Variants in GPC5 observed in about 807,000 individuals in gnomAD.
GPC5 encodes the protein glypican 5.
Under a neutral mutation model 53.9 loss-of-function variants are expected in GPC5, and 47 were observed. The ratio of observed to expected loss-of-function variants is 0.87; its 90% CI spans 0.69 to 1.11. The LOEUF is 1.11. Among genes scored for constraint, GPC5 ranks in the 50% most tolerant of loss-of-function variants. The pLI is 0.00. For synonymous variants in GPC5, 286 were observed against 263.3 expected (o/e 1.09, Z -0.84); for missense variants, 748 against 713.1 (o/e 1.05, Z -0.56).
At chr13:91,810,474 G>T (rs190104252) in intron 5 of GPC5, among the ~76,000 whole-genome samples, 7 of 151,906 alleles carry the variant, frequency 4.6e-5, no homozygotes, top group Non-Finnish European at 2.9e-5. Context: ...CTTCAATTAT[G>T]TAGTCTGTAT....
At chr13:92,811,917 G>C (rs181101680) in intron 7 of GPC5, among the ~76,000 whole-genome samples, 1 of 152,012 alleles carries the variant, frequency 6.6e-6, no homozygotes, top group Admixed American at 6.5e-5. Flanking sequence ...GACCATAAAT[G>C]TCAGGGTTTA....
chr13:91,480,902 T>A (rs1883263365), intron 2 of GPC5, among the ~76,000 whole-genome samples: 1 of 151,988 alleles, frequency 6.6e-6, no homozygotes, highest in Non-Finnish European at 1.5e-5. Context: ...AATCCCCAAA[T>A]GGTCAGGTGG....
chr13:92,786,534 A>C (rs762703765), intron 7 of GPC5, among the ~76,000 whole-genome samples: 11 of 152,166 alleles, frequency 7.2e-5, no homozygotes, highest in Non-Finnish European at 1.6e-4. Flanking sequence ...AATGGGATTT[A>C]ATGGTTAAAA....
At chr13:91,679,884 T>C (rs1566603975) in intron 2 of GPC5, among the ~76,000 whole-genome samples, 2 of 152,052 alleles carry the variant, frequency 1.3e-5, no homozygotes, top group Non-Finnish European at 2.9e-5. Context: ...AAGATACTTT[T>C]GCAATTGAGT....
At chr13:92,067,103 C>G (rs989743539) in intron 6 of GPC5, among the ~76,000 whole-genome samples, 11 of 151,966 alleles carry the variant, frequency 7.2e-5, no homozygotes, top group African/African-American at 2.4e-4. Flanking sequence ...AGAACAAAGT[C>G]TTTCTTGTTA....
At chr13:92,427,572 T>C (rs1876891531) in intron 7 of GPC5, among the ~76,000 whole-genome samples, 1 of 151,922 alleles carries the variant, frequency 6.6e-6, no homozygotes, top group Non-Finnish European at 1.5e-5. Context: ...GAAAAATGTC[T>C]AATAACGGGA....
chr13:92,727,566 A>C (rs1888681118), intron 7 of GPC5, among the ~76,000 whole-genome samples: 1 of 151,350 alleles, frequency 6.6e-6, no homozygotes, highest in Admixed American at 6.6e-5. Flanking sequence ...TAATAATATT[A>C]CAAGTGGCCC....
At chr13:92,057,294 AAAACAAAAAACAAAAAAC>A (rs924332255) in intron 6 of GPC5, among the ~76,000 whole-genome samples, 5 of 101,218 alleles carry the variant, frequency 4.9e-5, no homozygotes, top group South Asian at 8.2e-4. Context: ...GGAAAACAAA[AAAACAAAAAACAAAAAAC>A]AAACAAAAAA....
Position 91,886,174 on chromosome 13 carries a change from G to A in GPC5, c.1281-21763G>A, listed in dbSNP as rs186186065. On this transcript the variant is annotated intron_variant, in intron 5 of 7. Transcript: ENST00000377067. ...CCTCAAAGTCATGGCAGAAGGCAAAGTAGGAGCAAAGAAATGTCTTACATG... is the reference window on the plus strand; with the variant it reads ...CCTCAAAGTCATGGCAGAAGGCAAAATAGGAGCAAAGAAATGTCTTACATG... Among the ~76,000 whole-genome samples, 34 of 152,308 alleles carry A rather than the reference G, an allele frequency of 2.2e-4. No homozygotes were observed. The East Asian group carries it at 3.3e-3, about 15-fold the overall frequency.
At chr13:91,912,263 G>A (rs2039616677) in intron 6 of GPC5, among the ~76,000 whole-genome samples, 2 of 152,002 alleles carry the variant, frequency 1.3e-5, no homozygotes. Context: ...CTTACTGTAA[G>A]AATAATGACT....
intron 7 of GPC5, among the ~76,000 whole-genome samples, chr13:92,767,016 G>A (rs1025812878): frequency 1.3e-5 from 2 of 152,184 alleles, no homozygotes; most frequent in Admixed American, 6.5e-5. Context: ...CTCTGGGCTG[G>A]AGCATATCTA....
chr13:91,911,892 C>T (rs544624906), intron 6 of GPC5, among the ~76,000 whole-genome samples: 2 of 152,024 alleles, frequency 1.3e-5, no homozygotes, highest in Admixed American at 6.6e-5. Flanking sequence ...GTAGGTCTGG[C>T]GGAGGGTTCC....
intron 2 of GPC5, among the ~76,000 whole-genome samples, chr13:91,655,989 A>G (rs1354182168): frequency 6.6e-6 from 1 of 152,112 alleles, no homozygotes; most frequent in Non-Finnish European, 1.5e-5. Context: ...ATGTGCGTAT[A>G]CCCAAGGATC....
intron 7 of GPC5, among the ~76,000 whole-genome samples, chr13:92,489,057 TCAG>T (rs1182194576): frequency 6.6e-6 from 1 of 152,176 alleles, no homozygotes; most frequent in Non-Finnish European, 1.5e-5. Context: ...TATGCACAAA[TCAG>T]CACATAATAA....
chr13:91,549,754 C>A (rs896925676), intron 2 of GPC5, among the ~76,000 whole-genome samples: 1 of 152,128 alleles, frequency 6.6e-6, no homozygotes, highest in African/African-American at 2.4e-5. Flanking sequence ...AGAACACTGA[C>A]CCACACTAAA....
intron 1 of GPC5, among the ~76,000 whole-genome samples, chr13:91,445,266 G>A (rs753142230): frequency 2.2e-4 from 34 of 152,130 alleles, no homozygotes; most frequent in Admixed American, 3.3e-4. Context: ...GTAAAATAAA[G>A]GTTACTTGAA....
intron 7 of GPC5, among the ~76,000 whole-genome samples, chr13:92,527,108 A>AAAAAG (rs1555287009): frequency 2.1e-4 from 8 of 39,022 alleles, no homozygotes; most frequent in African/African-American, 6.4e-4. Context: ...AAAGAAAGAA[A>AAAAAG]AAAGAAAGAA....
At chr13:92,415,762 C>T (rs1365991217) in intron 7 of GPC5, among the ~76,000 whole-genome samples, 1 of 151,634 alleles carries the variant, frequency 6.6e-6, no homozygotes, top group African/African-American at 2.4e-5. Context: ...ATGAGGAGAA[C>T]CTATCTAGGT....
At chr13:92,669,732 G>A (rs1322348074) in intron 7 of GPC5, among the ~76,000 whole-genome samples, 5 of 152,052 alleles carry the variant, frequency 3.3e-5, no homozygotes, top group African/African-American at 1.2e-4. Flanking sequence ...TGCTTAATCT[G>A]CTCCAGTGGC....
Sources: allele counts gnomAD v4.1 joint callset (sites outside exome capture counted in the v4.1 genomes callset), GRCh38; gene constraint gnomAD v4.1.1; transcripts MANE v1.5; gene names NCBI Gene and HGNC (gene_info 2026-07-23, HGNC 2026-07-21).